FATE1: variants seen among roughly 807,000 people sequenced by gnomAD.
The protein encoded by FATE1 is fetal and adult testis expressed 1.
In FATE1, 18 loss-of-function variants were observed where a neutral mutation model predicts 16.0. The ratio of observed to expected loss-of-function variants is 1.12; its 90% CI spans 0.78 to 1.66. FATE1 has a LOEUF of 1.66. Ranked by LOEUF, FATE1 falls within the 40% of genes most tolerant of loss-of-function variation. The pLI is 0.00. For synonymous variants in FATE1, 76 were observed against 56.9 expected (o/e 1.34, Z -1.51); for missense variants, 169 against 152.7 (o/e 1.11, Z -0.56).
At chrX:151,718,384 T>C (rs1158595942) in intron 2 of FATE1, among the ~76,000 whole-genome samples, 1 of 112,277 alleles carries the variant, frequency 8.9e-6, no homozygotes, top group Non-Finnish European at 1.9e-5. Context: ...GCAAATGATA[T>C]TGGGAAAACA....
Position 151,721,451 on chromosome X carries a change from T to A in FATE1, c.291T>A (p.His97Gln). 8.3e-7 allele frequency: 1 copy of A among 1,212,026 alleles called. No homozygotes were observed. Among genetic ancestry groups the A allele is most frequent in the East Asian group, 3.0e-5 (1 of 33,829 alleles). The part of the protein sequence containing the change: ...MLRESGHGDA[H>Q]LQEYAGNFQG... The stretch of plus-strand genomic sequence containing the variant: ...GAGAATCAGGCCATGGGGATGCCCA[T>A]CTCCAGGAGTACGCTGGCAATTTCC... Residue 97 changes from histidine to glutamine, a missense_variant, in exon 3 of 5, where the codon CAT (histidine) becomes CAA (glutamine). Transcript: ENST00000370350.
In FATE1 at chrX:151,722,090, C is replaced by T. The variant is rs111497669; in HGVS notation, c.420+109C>T. Reference sequence around the variant, plus strand: ...CCCTTACAGTCATCTTTCCCTTTAGCGCTGGAGGTGGGGCAGATTCCCTTC... The same window carrying T: ...CCCTTACAGTCATCTTTCCCTTTAGTGCTGGAGGTGGGGCAGATTCCCTTC... On this transcript the variant is annotated intron_variant, in intron 4 of 4. Coordinates refer to ENST00000370350, the MANE Select transcript of FATE1 (RefSeq NM_033085.3). 32 of 685,496 alleles carry T rather than the reference C, an allele frequency of 4.7e-5. 1 individual carries two copies. The highest frequency in any genetic ancestry group is 2.6e-4 in the African/African-American group (12 of 45,897). The allele number at this position is 685,496 out of a possible 1,213,427, so 56.5% of individuals were successfully genotyped here.
intron 1 of FATE1, 136 bp downstream of exon 1, chrX:151,716,361 G>A (rs2015060078): frequency 4.0e-6 from 2 of 500,415 alleles, no homozygotes; most frequent in South Asian, 4.8e-5. Flanking sequence ...CGGGCTTCGA[G>A]GATTTGTGGG....
intron 3 of FATE1, 32 bp downstream of exon 3, chrX:151,721,533 C>A: frequency 8.8e-7 from 1 of 1,141,481 alleles, no homozygotes; most frequent in African/African-American, 1.8e-5. Flanking sequence ...GCCCTGGCTG[C>A]TCAGACAGGG....
Position 151,722,804 on chromosome X carries a change from T to G in FATE1, c.*45T>G, listed in dbSNP as rs759530704. On this transcript the variant is annotated 3_prime_UTR_variant, in exon 5 of 5. Transcript: ENST00000370350. Reference sequence around the variant, plus strand: ...GTATTGGAGCCCTCCCTGCTTCCCCTTCTTTCTTTCCTCTTTCCCCAGGCC... The same window carrying G: ...GTATTGGAGCCCTCCCTGCTTCCCCGTCTTTCTTTCCTCTTTCCCCAGGCC... 4 of 1,172,322 alleles carry G rather than the reference T, an allele frequency of 3.4e-6. No homozygotes were observed. The highest frequency in any genetic ancestry group is 1.8e-5 in the African/African-American group (1 of 56,576).
chrX:151,722,514 G>A (rs2015126443), intron 4 of FATE1, 114 bp from the exon 5 acceptor site: 1 of 1,106,214 alleles, frequency 9.0e-7, no homozygotes, highest in Non-Finnish European at 1.2e-6. Context: ...CCGCTCCACC[G>A]CCAAAGGGCA....
Position 151,722,879 on chromosome X carries a change from G to T in FATE1, c.*120G>T, listed in dbSNP as rs1331492608. On this transcript the variant is annotated 3_prime_UTR_variant, in exon 5 of 5. Coordinates refer to ENST00000370350, the MANE Select transcript of FATE1 (RefSeq NM_033085.3). ...TCCCAGCAGCCCTCAGGAGCGTCAGGATCATTTTCAACTCTGGTTAGGCCT... is the reference window on the plus strand; with the variant it reads ...TCCCAGCAGCCCTCAGGAGCGTCAGTATCATTTTCAACTCTGGTTAGGCCT... 1.0e-6 allele frequency: 1 copy of T among 966,997 alleles called. No homozygotes were observed. Among genetic ancestry groups the T allele is most frequent in the Non-Finnish European group, 1.4e-6 (1 of 721,209 alleles). The allele number at this position is 966,997 out of a possible 1,213,427, so 79.7% of individuals were successfully genotyped here.
intron 2 of FATE1, among the ~76,000 whole-genome samples, chrX:151,719,238 T>G (rs988676780): frequency 8.9e-6 from 1 of 112,277 alleles, no homozygotes; most frequent in Non-Finnish European, 1.9e-5. Flanking sequence ...TATTTTTGAA[T>G]AAAACAGTTA....
Position 151,717,341 on chromosome X carries a change from C to T in FATE1, c.176C>T (p.Ala59Val). The part of the protein sequence containing the change: ...QKKQKLEQKA[A>V]GSASAKRVWN... ...AAGCAGAAGTTGGAACAAAAAGCTG[C>T]TGGCTCTGCTTCAGCCAAACGAGTT... The change falls in exon 2 of 5, where the codon GCT (alanine) becomes GTT (valine). Residue 59 changes from alanine to valine, a missense_variant. By Grantham distance (64) the Ala-to-Val change is moderately conservative. Transcript: ENST00000370350. The T allele has an allele frequency of 8.3e-7, 1 of 1,208,372 alleles. No homozygotes were observed. Among genetic ancestry groups the T allele is most frequent in the Non-Finnish European group, 1.1e-6 (1 of 893,421 alleles).
intron 1 of FATE1, among the ~76,000 whole-genome samples, chrX:151,716,955 G>A (rs180887513): frequency 9.0e-6 from 1 of 111,642 alleles, no homozygotes; most frequent in African/African-American, 3.3e-5. Flanking sequence ...ATTGCTTTCT[G>A]TTTTACACCT....
intron 4 of FATE1, 152 bp downstream of exon 4, chrX:151,722,133 C>T: frequency 2.0e-6 from 1 of 491,306 alleles, no homozygotes; most frequent in Non-Finnish European, 3.4e-6. Context: ...TCCTCATCCC[C>T]ATGGCTCTGA....
In FATE1 at chrX:151,722,907, T is replaced by TC; in HGVS notation, c.*148_*149insC. On this transcript the variant is annotated 3_prime_UTR_variant, in exon 5 of 5. Transcript: ENST00000370350. ...CATTTTCAACTCTGGTTAGGCCTCC[T>TC]ACCTGGGGAGGCCAGGTCACTGCAC... 2 of 737,976 alleles carry TC rather than the reference T, an allele frequency of 2.7e-6. No individual in the cohort carries two copies. The highest frequency in any genetic ancestry group is 3.8e-6 in the Non-Finnish European group (2 of 524,900). 60.8% of individuals were successfully genotyped at this position (737,976 alleles called of 1,213,427 possible). A position where few individuals can be genotyped will look rare whatever the true frequency, so the allele number is the denominator to read the frequency against.
chrX:151,718,649 A>T (rs1340474593), intron 2 of FATE1, among the ~76,000 whole-genome samples: 2 of 111,029 alleles, frequency 1.8e-5, no homozygotes, highest in Non-Finnish European at 3.8e-5. Context: ...GTGGGTGTTG[A>T]ATGTTCTAGA....
In FATE1 at chrX:151,718,152, GGAAGGAAGGAAGGAAGGA is replaced by G. The variant is rs1212478798; in HGVS notation, c.234+754_234+771del. ...AGGAAGGAAGGAAGGAAGGAAGGAA[GGAAGGAAGGAAGGAAGGA>G]AGGGGAAAAGAAAGGAAAAGGAAAG... On this transcript the variant is annotated intron_variant, in intron 2 of 4. Coordinates refer to ENST00000370350, the MANE Select transcript of FATE1 (RefSeq NM_033085.3). Among the ~76,000 whole-genome samples, 57 of 92,197 alleles carry G rather than the reference GGAAGGAAGGAAGGAAGGA, an allele frequency of 6.2e-4. 2 individuals are homozygous for G. The highest frequency in any genetic ancestry group is 1.9e-3 in the African/African-American group (47 of 24,885). 80.1% of individuals were successfully genotyped at this position (92,197 alleles called of 115,157 possible). A position where few individuals can be genotyped will look rare whatever the true frequency, so the allele number is the denominator to read the frequency against.
chrX:151,720,931 A>G (rs746490842), intron 2 of FATE1, among the ~76,000 whole-genome samples: 162 of 112,182 alleles, frequency 1.4e-3, no homozygotes, highest in African/African-American at 5.0e-3. Flanking sequence ...TGGCTGGCTG[A>G]GCTTACCCAG....
chrX:151,717,250 G>T, intron 1 of FATE1, 22 bp from the exon 2 acceptor site: 1 of 1,196,965 alleles, frequency 8.4e-7, no homozygotes, highest in South Asian at 1.8e-5. Flanking sequence ...GGTGCTCCTG[G>T]AGCTTCTGTT....
intron 3 of FATE1, 147 bp from the exon 4 acceptor site, chrX:151,721,756 G>T (rs758267305): frequency 3.4e-6 from 2 of 586,824 alleles, no homozygotes; most frequent in Non-Finnish European, 5.7e-6. Flanking sequence ...AAGGCCCTAG[G>T]CCCTCTTTAC....
At chrX:151,718,582 G>A (rs1242552993) in intron 2 of FATE1, among the ~76,000 whole-genome samples, 1 of 112,202 alleles carries the variant, frequency 8.9e-6, no homozygotes, top group Non-Finnish European at 1.9e-5. Context: ...AGGGAGGCCT[G>A]ACTGCTCCAG....
chrX:151,718,522 G>A (rs1268735473), intron 2 of FATE1, among the ~76,000 whole-genome samples: 1 of 112,311 alleles, frequency 8.9e-6, no homozygotes, highest in East Asian at 2.8e-4. Context: ...AAAAATTGTT[G>A]TTATGCTGTT....
Sources: allele counts gnomAD v4.1 joint callset (sites outside exome capture counted in the v4.1 genomes callset), GRCh38; gene constraint gnomAD v4.1.1; transcripts MANE v1.5; gene names NCBI Gene and HGNC (gene_info 2026-07-23, HGNC 2026-07-21).